TMEM254: variants seen among roughly 807,000 people sequenced by gnomAD.
TMEM254 encodes the protein transmembrane protein C10orf57.
A neutral mutation model predicts 13.9 loss-of-function variants in TMEM254; 16 were observed. The ratio of observed to expected loss-of-function variants is 1.15; its 90% CI spans 0.78 to 1.75. The LOEUF (loss-of-function observed/expected upper bound fraction) is 1.75. Among genes scored for constraint, TMEM254 ranks in the 40% most tolerant of loss-of-function variants. TMEM254 has a pLI of 0.00. For missense variants in TMEM254, 155 were observed against 149.0 expected (o/e 1.04, Z -0.21); for synonymous variants, 61 against 56.4 (o/e 1.08, Z -0.36).
In TMEM254 at chr10:80,082,126, A is replaced by T; in HGVS notation, c.192-19A>T. On this transcript the variant is annotated intron_variant, in intron 2 of 3. Coordinates refer to ENST00000372281, the MANE Select transcript of TMEM254 (RefSeq NM_025125.4). ...ATAACTATCACCTTAAAAAAGATTAACCTTTTTTTTGGTTTCAGGTATTGG... is the reference window on the plus strand; with the variant it reads ...ATAACTATCACCTTAAAAAAGATTATCCTTTTTTTTGGTTTCAGGTATTGG... 4.3e-6 allele frequency: 7 copies of T among 1,613,782 alleles called. No homozygotes were observed. The highest frequency in any genetic ancestry group is 1.7e-6 in the Non-Finnish European group (2 of 1,179,792).
In TMEM254 at chr10:80,081,829, C is replaced by T; in HGVS notation, c.88-12C>T. 1 of 1,614,110 alleles carries T rather than the reference C, an allele frequency of 6.2e-7. No individual in the cohort carries two copies. The highest frequency in any genetic ancestry group is 8.5e-7 in the Non-Finnish European group (1 of 1,179,996). ...ACCTAATAGGTATTCTGTGTCTCTG[C>T]TTCTCTTTCAGTGGGTTGTCTTCTG... On this transcript the variant is annotated splice_polypyrimidine_tract_variant and intron_variant, in intron 1 of 3. Transcript: ENST00000372281.
rs148846748 is a variant in TMEM254 at position 80,084,901 on chromosome 10, C to T, written c.251+2697C>T. Among the ~76,000 whole-genome samples the T allele has an allele frequency of 7.4e-3, 1,126 of 152,246 alleles. 3 individuals carry two copies. The highest frequency in any genetic ancestry group is 0.013 in the Non-Finnish European group (856 of 68,026). On this transcript the variant is annotated intron_variant, in intron 3 of 3. Transcript: ENST00000372281. The stretch of plus-strand genomic sequence containing the variant: ...AGTGCAGTGGTGCAATCTCAGCTCA[C>T]TGCAACCTCTGCCTCCCTGGTTCAA...
At chr10:80,090,657 A>C (rs1404820999) in intron 3 of TMEM254, 140 bp from the exon 4 acceptor site, 6 of 741,292 alleles carry the variant, frequency 8.1e-6, no homozygotes, top group Non-Finnish European at 1.1e-5. Flanking sequence ...CATCCAAGAT[A>C]AGCCAGAGAA....
chr10:80,079,418 C>G lies in TMEM254; in HGVS notation c.87+632C>G, dbSNP rs140466887. ...ACGGGTTATCCGAGCCTAAGCCTCT[C>G]ACGAAGCGGAAAGTCAAGTTAACAG... is the stretch of plus-strand genomic sequence containing the variant. On this transcript the variant is annotated intron_variant, in intron 1 of 3. Coordinates refer to ENST00000372281, the MANE Select transcript of TMEM254 (RefSeq NM_025125.4). 2.2e-4 allele frequency: 239 copies of G among 1,072,346 alleles called. 2 individuals are homozygous for G. The African/African-American group carries it at 3.3e-3, about 15-fold the overall frequency. 66.4% of individuals were successfully genotyped at this position (1,072,346 alleles called of 1,614,324 possible). A position where few individuals can be genotyped will look rare whatever the true frequency, so the allele number is the denominator to read the frequency against.
intron 3 of TMEM254, 150 bp from the exon 4 acceptor site, chr10:80,090,647 C>A: frequency 1.4e-6 from 1 of 695,602 alleles, no homozygotes; most frequent in Non-Finnish European, 2.4e-6. Flanking sequence ...ATAAATGAAC[C>A]ATCCAAGATA....
chr10:80,090,949 A>G lies in TMEM254; in HGVS notation c.*32A>G, dbSNP rs1443700891. On this transcript the variant is annotated 3_prime_UTR_variant, in exon 4 of 4. Coordinates refer to ENST00000372281, the MANE Select transcript of TMEM254 (RefSeq NM_025125.4). ...CTGAAAGCTTGCTCTACACTTTTAC[A>G]TTCATCCTCACCCTTTTTTTTGTGG... is the stretch of plus-strand genomic sequence containing the variant. 3.1e-6 allele frequency: 5 copies of G among 1,610,232 alleles called. No individual in the cohort carries two copies. Among genetic ancestry groups the G allele is most frequent in the East Asian group, 4.5e-5 (2 of 44,824 alleles).
rs1474432779 is a variant in TMEM254 at position 80,091,207 on chromosome 10, C to T, written c.*290C>T. On this transcript the variant is annotated 3_prime_UTR_variant, in exon 4 of 4. Coordinates refer to ENST00000372281, the MANE Select transcript of TMEM254 (RefSeq NM_025125.4). ...CAGTCTTTGGCTGTGTTGGTACCCT[C>T]GTGTGCTCTGAGCTAAGCCACATAC... The T allele has an allele frequency of 3.8e-6, 1 of 263,288 alleles. No individual in the cohort carries two copies. The highest frequency in any genetic ancestry group is 9.0e-5 in the East Asian group (1 of 11,124). The allele number at this position is 263,288 out of a possible 1,614,324, so 16.3% of individuals were successfully genotyped here. A position where few individuals can be genotyped will look rare whatever the true frequency, so the allele number is the denominator to read the frequency against.
At chr10:80,079,230 G>T in intron 1 of TMEM254, 1 of 1,265,920 alleles carries the variant, frequency 7.9e-7, no homozygotes, top group Non-Finnish European at 1.0e-6. Flanking sequence ...TTGGCCCGCC[G>T]GGCCCTCGTA....
chr10:80,078,751 T>C lies in TMEM254; in HGVS notation c.52T>C (p.Phe18Leu). ...CTTTCAGCGAGGCAGTCTGTTCTGG[T>C]TCACAGTCATCACCCTCAGCTTTGG... is the stretch of plus-strand genomic sequence containing the variant. ...TYFQRGSLFWFTVITLSFGYY... is the reference protein window; with the variant it reads ...TYFQRGSLFWLTVITLSFGYY... The change falls in exon 1 of 4, where the codon TTC becomes CTC. Residue 18 changes from phenylalanine (F) to leucine (L), a missense_variant. Physicochemically the swap from Phe to Leu is conservative, Grantham distance 22. Transcript: ENST00000372281. The C allele has an allele frequency of 6.2e-7, 1 of 1,608,918 alleles. No individual in the cohort carries two copies. The highest frequency in any genetic ancestry group is 8.5e-7 in the Non-Finnish European group (1 of 1,178,008).
In TMEM254 at chr10:80,079,267, C is replaced by T. The variant is rs1451985422; in HGVS notation, c.87+481C>T. 5.7e-6 allele frequency: 7 copies of T among 1,223,392 alleles called. No homozygotes were observed. The African/African-American group carries it at 6.4e-5, about 11-fold the overall frequency. The allele number at this position is 1,223,392 out of a possible 1,614,324, so 75.8% of individuals were successfully genotyped here. A position where few individuals can be genotyped will look rare whatever the true frequency, so the allele number is the denominator to read the frequency against. On this transcript the variant is annotated intron_variant, in intron 1 of 3. Coordinates refer to ENST00000372281, the MANE Select transcript of TMEM254 (RefSeq NM_025125.4). ...GGCGAGGGGAGCTCTGGGAACGGGG[C>T]CTGTGCGCACGCGCATCTGACGGTT... is the stretch of plus-strand genomic sequence containing the variant.
intron 1 of TMEM254, 58 bp downstream of exon 1, chr10:80,078,844 C>T: frequency 1.9e-6 from 3 of 1,549,878 alleles, no homozygotes; most frequent in Non-Finnish European, 2.6e-6. Flanking sequence ...TCGGTTCACC[C>T]CAGGACCTGG....
chr10:80,089,822 T>C (rs945712263), intron 3 of TMEM254, among the ~76,000 whole-genome samples: 20 of 151,800 alleles, frequency 1.3e-4, no homozygotes, highest in Non-Finnish European at 4.4e-5. Flanking sequence ...GCTAACACAG[T>C]GAAACCCCAT....
rs34380847 is a variant in TMEM254, at chr10:80,087,488, CA to C, written c.252-3294del. 8.3e-3 allele frequency among the ~76,000 whole-genome samples: 1,125 copies of C among 135,944 alleles called. 12 individuals are homozygous for C. Among genetic ancestry groups the C allele is most frequent in the African/African-American group, 0.022 (798 of 36,562 alleles). 89.2% of individuals were successfully genotyped at this position (135,944 alleles called of 152,430 possible). A position where few individuals can be genotyped will look rare whatever the true frequency, so the allele number is the denominator to read the frequency against. The stretch of plus-strand genomic sequence containing the variant: ...TGAAACCCTGTCTCCACTAAAAATA[CA>C]AAAAAAAAAAAAAATTAGCAGGGCG... On this transcript the variant is annotated intron_variant, in intron 3 of 3. Transcript: ENST00000372281.
At chr10:80,079,687 G>A in intron 1 of TMEM254, 1 of 985,704 alleles carries the variant, frequency 1.0e-6, no homozygotes, top group Non-Finnish European at 1.2e-6. Context: ...AAAGATGCGT[G>A]GAAAAGTAGG....
rs763121896 is a variant in TMEM254 at position 80,084,866 on chromosome 10, G to A, written c.251+2662G>A. ...TTTTGAGACGGAGTTTCGCTCTGTC[G>A]CCAGGCTGGAGTGCAGTGGTGCAAT... On this transcript the variant is annotated intron_variant, in intron 3 of 3. Transcript: ENST00000372281. Among the ~76,000 whole-genome samples the A allele has an allele frequency of 1.1e-4, 17 of 151,542 alleles. No homozygotes were observed. The Middle Eastern group carries it at 0.01, about 91-fold the overall frequency.
Position 80,078,802 on chromosome 10 carries a change from GGAGCGCTACGGTCTGACGAACGAGC to G in TMEM254, c.87+24_87+48del, listed in dbSNP as rs1373320126. The G allele has an allele frequency of 7.6e-6, 12 of 1,586,986 alleles. No homozygotes were observed. The highest frequency in any genetic ancestry group is 8.6e-6 in the Non-Finnish European group (10 of 1,166,612). On this transcript the variant is annotated intron_variant, in intron 1 of 3. Coordinates refer to ENST00000372281, the MANE Select transcript of TMEM254 (RefSeq NM_025125.4). ...CTACTACACAGTAAGGACAGCCGCT[GGAGCGCTACGGTCTGACGAACGAGC>G]GAGCGCTCGGTTCACCCCAGGACCT...
intron 3 of TMEM254, among the ~76,000 whole-genome samples, chr10:80,085,566 C>CAA (rs1026540064): frequency 1.6e-5 from 2 of 125,472 alleles, no homozygotes; most frequent in African/African-American, 5.8e-5. Flanking sequence ...GACTCTGTCT[C>CAA]AAAAAAAAAA....
intron 1 of TMEM254, 130 bp from the exon 2 acceptor site, chr10:80,081,711 A>T (rs1844036449): frequency 6.2e-7 from 1 of 1,608,258 alleles, no homozygotes; most frequent in Non-Finnish European, 8.5e-7. Flanking sequence ...ATGGAGACCC[A>T]AATGACTGTT....
chr10:80,084,646 G>A (rs370696768), intron 3 of TMEM254, among the ~76,000 whole-genome samples: 64 of 152,146 alleles, frequency 4.2e-4, no homozygotes, highest in African/African-American at 1.5e-3. Flanking sequence ...TGTGGGAAAT[G>A]CCACAGCCCA....
Sources: gnomAD v4.1 joint callset for allele counts (sites outside exome capture counted in the v4.1 genomes callset) on GRCh38, gnomAD v4.1.1 for gene constraint, MANE v1.5 for transcripts, NCBI Gene and HGNC (gene_info 2026-07-23, HGNC 2026-07-21) for gene names.